NCAM2: variants seen among roughly 807,000 people sequenced by gnomAD.
NCAM2 encodes N-CAM-2.
In NCAM2, 30 loss-of-function variants were observed where a neutral mutation model predicts 98.1. The ratio of observed to expected loss-of-function variants is 0.31; its 90% confidence interval spans 0.23 to 0.41. NCAM2 has a LOEUF of 0.41. NCAM2 is among the 10% of genes least tolerant of loss of function. The pLI is 1.00. For missense variants in NCAM2, 867 were observed against 1,005.8 expected (o/e 0.86, Z 1.87); for synonymous variants, 368 against 342.4 (o/e 1.07, Z -0.83).
intron 1 of NCAM2, among the ~76,000 whole-genome samples, chr21:21,140,541 C>A (rs923738682): frequency 2.6e-5 from 4 of 152,062 alleles, no homozygotes; most frequent in Non-Finnish European, 5.9e-5. Flanking sequence ...AAATATAAAT[C>A]TTAAAAATCA....
chr21:21,174,387 A>G (rs1569108640), intron 1 of NCAM2, among the ~76,000 whole-genome samples: 2 of 152,198 alleles, frequency 1.3e-5, no homozygotes, highest in South Asian at 4.1e-4. Context: ...TCTTTCACGC[A>G]ATATTTGGAA....
chr21:21,176,997 G>A (rs970984643), intron 1 of NCAM2, among the ~76,000 whole-genome samples: 21 of 151,984 alleles, frequency 1.4e-4, no homozygotes, highest in Admixed American at 6.6e-5. Context: ...CAATATCAAT[G>A]CCTATTTACT....
At chr21:21,221,330 A>G (rs990846201) in intron 1 of NCAM2, among the ~76,000 whole-genome samples, 1 of 151,424 alleles carries the variant, frequency 6.6e-6, no homozygotes, top group African/African-American at 2.4e-5. Flanking sequence ...AGGTCTCTCA[A>G]TTTAAAACAA....
intron 1 of NCAM2, among the ~76,000 whole-genome samples, chr21:21,053,166 C>T (rs1219809251): frequency 1.3e-5 from 2 of 151,976 alleles, no homozygotes; most frequent in African/African-American, 4.8e-5. Context: ...CTCAAAGTAG[C>T]ATTTAAAATT....
intron 1 of NCAM2, among the ~76,000 whole-genome samples, chr21:21,085,827 A>G (rs1354742357): frequency 6.6e-6 from 1 of 152,180 alleles, no homozygotes; most frequent in Non-Finnish European, 1.5e-5. Context: ...TATTTAAAAA[A>G]TTTTGTTATT....
chr21:21,529,317 T>A (rs1989498113), intron 16 of NCAM2, among the ~76,000 whole-genome samples: 1 of 152,148 alleles, frequency 6.6e-6, no homozygotes, highest in Non-Finnish European at 1.5e-5. Flanking sequence ...ATACCTCCTA[T>A]CCAACGCAGG....
intron 8 of NCAM2, among the ~76,000 whole-genome samples, chr21:21,362,375 C>T (rs1393151059): frequency 1.3e-5 from 2 of 150,530 alleles, no homozygotes; most frequent in East Asian, 2.0e-4. Context: ...TGACAACCTG[C>T]TTTTCCTCAT....
At chr21:21,162,628 A>T (rs2067819892) in intron 1 of NCAM2, among the ~76,000 whole-genome samples, 2 of 152,144 alleles carry the variant, frequency 1.3e-5, no homozygotes, top group Admixed American at 1.3e-4. Context: ...TTAGTGAAAA[A>T]GTCCAAAGTG....
intron 1 of NCAM2, among the ~76,000 whole-genome samples, chr21:21,113,744 T>C (rs936882228): frequency 1.3e-5 from 2 of 152,180 alleles, no homozygotes; most frequent in African/African-American, 4.8e-5. Flanking sequence ...TAGAACTATT[T>C]TGTATTGTAA....
At chr21:21,412,641 A>T (rs2076910852) in intron 10 of NCAM2, among the ~76,000 whole-genome samples, 1 of 152,078 alleles carries the variant, frequency 6.6e-6, no homozygotes, top group South Asian at 2.1e-4. Context: ...ATTTTAAAAA[A>T]CCCACAATTT....
At chr21:21,470,096 C>G (rs975301) in intron 14 of NCAM2, among the ~76,000 whole-genome samples, 85,023 of 151,854 alleles carry the variant, frequency 0.56, 25,203 homozygotes, top group African/African-American at 0.7. Context: ...GCAATGACTA[C>G]TTGTGAGACA....
intron 10 of NCAM2, among the ~76,000 whole-genome samples, chr21:21,414,613 G>A (rs1365843866): frequency 2.6e-5 from 4 of 151,944 alleles, no homozygotes; most frequent in African/African-American, 9.7e-5. Context: ...GGGATTACAG[G>A]TGCCTGCCAC....
At chr21:21,262,273 G>C (rs1176286119) in intron 1 of NCAM2, among the ~76,000 whole-genome samples, 1 of 152,018 alleles carries the variant, frequency 6.6e-6, no homozygotes, top group Non-Finnish European at 1.5e-5. Flanking sequence ...CATTCTACCA[G>C]ATGTACAAAG....
intron 1 of NCAM2, among the ~76,000 whole-genome samples, chr21:21,059,074 CTCTTTATTA>C (rs1173606927): frequency 2.0e-5 from 3 of 152,030 alleles, no homozygotes; most frequent in Non-Finnish European, 4.4e-5. Flanking sequence ...TTTATATTAA[CTCTTTATTA>C]ATCTATCATG....
chr21:21,207,051 T>G (rs2147059730), intron 1 of NCAM2, among the ~76,000 whole-genome samples: 1 of 152,304 alleles, frequency 6.6e-6, no homozygotes, highest in East Asian at 1.9e-4. Flanking sequence ...TCACATTTAC[T>G]TTAGAAAATC....
At chr21:21,392,962 C>T (rs527687829) in intron 9 of NCAM2, among the ~76,000 whole-genome samples, 9 of 151,882 alleles carry the variant, frequency 5.9e-5, no homozygotes, top group African/African-American at 1.7e-4. Flanking sequence ...AATTATACCC[C>T]GTCAATTTTT....
At chr21:21,195,804 TAGTC>T (rs1321790323) in intron 1 of NCAM2, among the ~76,000 whole-genome samples, 1 of 152,188 alleles carries the variant, frequency 6.6e-6, no homozygotes, top group African/African-American at 2.4e-5. Context: ...AATGAAATGT[TAGTC>T]AGACTCTAGT....
intron 1 of NCAM2, among the ~76,000 whole-genome samples, chr21:21,012,176 C>G (rs755862719): frequency 6.6e-6 from 1 of 152,040 alleles, no homozygotes; most frequent in Non-Finnish European, 1.5e-5. Context: ...CTTTTAGAGA[C>G]TTAAAATATT....
At chr21:21,156,180 G>A (rs1007527296) in intron 1 of NCAM2, among the ~76,000 whole-genome samples, 1 of 152,012 alleles carries the variant, frequency 6.6e-6, no homozygotes, top group Non-Finnish European at 1.5e-5. Context: ...ACTGTAGCAT[G>A]CTTGTTCTGT....
Sources: gnomAD v4.1 joint callset for allele counts (sites outside exome capture counted in the v4.1 genomes callset) on GRCh38, gnomAD v4.1.1 for gene constraint, MANE v1.5 for transcripts, NCBI Gene and HGNC (gene_info 2026-07-23, HGNC 2026-07-21) for gene names.